The following PCDHGA7 variants were observed in gnomAD, a reference collection of about 807,000 sequenced individuals.
The protein encoded by PCDHGA7 is protocadherin gamma subfamily A, 7.
A neutral mutation model predicts 58.3 loss-of-function variants in PCDHGA7; 44 were observed. That is an observed-to-expected ratio of 0.75 (90% CI 0.59 to 0.97). PCDHGA7 has a LOEUF of 0.97. Among genes scored for constraint, PCDHGA7 ranks in the 50% least tolerant of loss-of-function variants. PCDHGA7 has a pLI of 0.00. For synonymous variants in PCDHGA7, 516 were observed against 504.2 expected, an observed-to-expected ratio of 1.02 and a Z score of -0.31; for missense variants, 1,266 against 1,188.7, an observed-to-expected ratio of 1.06 and a Z score of -0.96.
At chr5:141,428,136 G>A in intron 1 of PCDHGA7, 2 of 1,600,778 alleles carry the variant, frequency 1.2e-6, no homozygotes, top group South Asian at 1.1e-5. Flanking sequence ...TTTCAGCCTG[G>A]GGCTGCACAC....
chr5:141,392,768 T>C lies in PCDHGA7; in HGVS notation c.2424+7445T>C, dbSNP rs754714050. The C allele has an allele frequency of 1.9e-5, 29 of 1,507,388 alleles. No homozygotes were observed. In the Middle Eastern group the frequency reaches 7.0e-4, roughly 37 times the overall value. 93.4% of individuals were successfully genotyped at this position (1,507,388 alleles called of 1,614,324 possible). On this transcript the variant is annotated intron_variant, in intron 1 of 3. Coordinates refer to ENST00000518325, the MANE Select transcript of PCDHGA7 (RefSeq NM_018920.4). ...GCGGCAAGAAACTAAATAAGACCCA[T>C]TTATGCACAGTGAAGATTCTGAGAG...
At chr5:141,467,273 G>T (rs879618653) in intron 1 of PCDHGA7, among the ~76,000 whole-genome samples, 1 of 151,828 alleles carries the variant, frequency 6.6e-6, no homozygotes, top group Admixed American at 6.6e-5. Context: ...GGCTGGTCTC[G>T]AACTCTTGAC....
chr5:141,463,572 C>A (rs1462125489), intron 1 of PCDHGA7, among the ~76,000 whole-genome samples: 2 of 151,572 alleles, frequency 1.3e-5, no homozygotes, highest in African/African-American at 4.9e-5. Context: ...CCTCAGCCTC[C>A]CGAGTAGCTG....
At chr5:141,504,364 G>A (rs764741297) in intron 2 of PCDHGA7, among the ~76,000 whole-genome samples, 2 of 152,116 alleles carry the variant, frequency 1.3e-5, no homozygotes, top group African/African-American at 2.4e-5. Flanking sequence ...GCTTCAGTAG[G>A]AAGCAGGTGG....
At chr5:141,413,625 C>A (rs372855865) in intron 1 of PCDHGA7, 22 of 1,613,734 alleles carry the variant, frequency 1.4e-5, no homozygotes, top group Non-Finnish European at 1.9e-5. Flanking sequence ...ATGAAAATGT[C>A]GCTGCGGGAA....
intron 1 of PCDHGA7, chr5:141,418,621 C>T: frequency 6.2e-7 from 1 of 1,614,034 alleles, no homozygotes; most frequent in Non-Finnish European, 8.5e-7. Flanking sequence ...TTCGGGAAGA[C>T]GTGCCTCCAG....
rs1251686604 is a variant in PCDHGA7 at position 141,485,257 on chromosome 5, T to C, written c.2425-9550T>C. ...TCTTTTACCACCTGGGTTACGTTTG[T>C]GGGCAGATCCGCTACCCGGTCCCAG... is the stretch of plus-strand genomic sequence containing the variant. On this transcript the variant is annotated intron_variant, in intron 1 of 3. Coordinates refer to ENST00000518325, the MANE Select transcript of PCDHGA7 (RefSeq NM_018920.4). This position sits in a 1 kb window ranked among gnomAD's most constrained non-coding sequence, Gnocchi z 5.7. The C allele has an allele frequency of 6.2e-7, 1 of 1,614,154 alleles. No homozygotes were observed.
Position 141,438,643 on chromosome 5 carries a change from C to CATAT in PCDHGA7, c.2424+53321_2424+53322insTATA, listed in dbSNP as rs1213792286. ...ATATATATATATATATATACACACACACACACACATATATGTATATATATA... is the reference window on the plus strand; with the variant it reads ...ATATATATATATATATATACACACACATATACACACACATATATGTATATATATA... On this transcript the variant is annotated intron_variant, in intron 1 of 3. Transcript: ENST00000518325. Among the ~76,000 whole-genome samples, 345 of 117,382 alleles carry CATAT rather than the reference C, an allele frequency of 2.9e-3. 2 individuals are homozygous for CATAT. Among genetic ancestry groups the CATAT allele is most frequent in the Admixed American group, 6.8e-3 (78 of 11,434 alleles). 77.0% of individuals were successfully genotyped at this position (117,382 alleles called of 152,430 possible). A position where few individuals can be genotyped will look rare whatever the true frequency, so the allele number is the denominator to read the frequency against.
At position 141,489,369 on chromosome 5, in the gene PCDHGA7, G is replaced by A. The variant is rs371328808; in HGVS notation, c.2425-5438G>A. The A allele has an allele frequency of 4.5e-5, 73 of 1,613,474 alleles. No individual in the cohort carries two copies. Among genetic ancestry groups the A allele is most frequent in the African/African-American group, 4.1e-4 (31 of 74,894 alleles). ...TGGTGGAGGAGTCTGAGCCGGGGACGCTGGTGGGGAATGTTGCTCAGGATC... is the reference window on the plus strand; with the variant it reads ...TGGTGGAGGAGTCTGAGCCGGGGACACTGGTGGGGAATGTTGCTCAGGATC... On this transcript the variant is annotated intron_variant, in intron 1 of 3. Transcript: ENST00000518325. This position sits in a 1 kb window ranked among gnomAD's most constrained non-coding sequence, Gnocchi z 4.5.
rs1436956912 is a variant in PCDHGA7, at chr5:141,438,609, TATATATATATATATATATATATATATAC to T, written c.2424+53288_2424+53315del. Reference sequence around the variant, plus strand: ...ATACATACATATATATATATATATATATATATATATATATATATATATATATACACACACACACACACATATATGTATA... The same window carrying T: ...ATACATACATATATATATATATATATACACACACACACACATATATGTATA... On this transcript the variant is annotated intron_variant, in intron 1 of 3. Coordinates refer to ENST00000518325, the MANE Select transcript of PCDHGA7 (RefSeq NM_018920.4). Among the ~76,000 whole-genome samples the T allele has an allele frequency of 2.2e-3, 92 of 41,082 alleles. 2 individuals are homozygous for T. Among genetic ancestry groups the T allele is most frequent in the East Asian group, 7.4e-3 (6 of 810 alleles). The allele number at this position is 41,082 out of a possible 152,430, so 27.0% of individuals were successfully genotyped here.
At position 141,477,591 on chromosome 5, in the gene PCDHGA7, T is replaced by C; in HGVS notation, c.2425-17216T>C. On this transcript the variant is annotated intron_variant, in intron 1 of 3. Coordinates refer to ENST00000518325, the MANE Select transcript of PCDHGA7 (RefSeq NM_018920.4). This position sits in a 1 kb window ranked among gnomAD's most constrained non-coding sequence, Gnocchi z 4.9. Reference sequence around the variant, plus strand: ...CCCGACGCCCCGCAGAATGCTCGGCTTTCTTTCTTTCTCTTGGAGCAAGGA... The same window carrying C: ...CCCGACGCCCCGCAGAATGCTCGGCCTTCTTTCTTTCTCTTGGAGCAAGGA... The C allele has an allele frequency of 6.2e-7, 1 of 1,614,136 alleles. No homozygotes were observed. The highest frequency in any genetic ancestry group is 8.5e-7 in the Non-Finnish European group (1 of 1,180,016).
At position 141,406,382 on chromosome 5, in the gene PCDHGA7, G is replaced by A. The variant is rs189693155; in HGVS notation, c.2424+21059G>A. Reference sequence around the variant, plus strand: ...TTTGTAAGGGTAAACTGATAAAAAGGTAAATGTATTCTTCTTAGAGAAACA... The same window carrying A: ...TTTGTAAGGGTAAACTGATAAAAAGATAAATGTATTCTTCTTAGAGAAACA... On this transcript the variant is annotated intron_variant, in intron 1 of 3. Transcript: ENST00000518325. Among the ~76,000 whole-genome samples, 63 of 152,232 alleles carry A rather than the reference G, an allele frequency of 4.1e-4. 1 individual carries two copies. Among genetic ancestry groups the A allele is most frequent in the African/African-American group, 1.4e-3 (60 of 41,554 alleles).
chr5:141,384,402 GTCC>G lies in PCDHGA7; in HGVS notation c.1508_1510del (p.Ser503del), dbSNP rs781624552. ...AAGACACCATCCAGGGGGCTCCAGTGTCCTCCTATGTCTCCATAAACTCTGACA... is the reference window on the plus strand; with the variant it reads ...AAGACACCATCCAGGGGGCTCCAGTGTCCTATGTCTCCATAAACTCTGACA... On this transcript the variant is annotated inframe_deletion, in exon 1 of 4. Coordinates refer to ENST00000518325, the MANE Select transcript of PCDHGA7 (RefSeq NM_018920.4). The G allele has an allele frequency of 1.8e-5, 29 of 1,613,830 alleles. No homozygotes were observed. The African/African-American group carries it at 2.4e-4, about 13-fold the overall frequency.
At position 141,485,929 on chromosome 5, in the gene PCDHGA7, G is replaced by A; in HGVS notation, c.2425-8878G>A. 1 of 1,614,150 alleles carries A rather than the reference G, an allele frequency of 6.2e-7. No homozygotes were observed. The highest frequency in any genetic ancestry group is 8.5e-7 in the Non-Finnish European group (1 of 1,180,036). ...AATCCAGCTACAGGATTAGTGTGTT[G>A]GAGAGCGCACCAGCGGGCATGGTGC... On this transcript the variant is annotated intron_variant, in intron 1 of 3. Coordinates refer to ENST00000518325, the MANE Select transcript of PCDHGA7 (RefSeq NM_018920.4). This position sits in a 1 kb window ranked among gnomAD's most constrained non-coding sequence, Gnocchi z 5.7.
intron 2 of PCDHGA7, among the ~76,000 whole-genome samples, chr5:141,505,177 A>T (rs917485235): frequency 6.6e-6 from 1 of 152,180 alleles, no homozygotes. Context: ...AAAAGAAAAA[A>T]GCATCGGAGG....
rs768132114 is a variant in PCDHGA7 at position 141,489,845 on chromosome 5, G to A, written c.2425-4962G>A. 5 of 1,614,188 alleles carry A rather than the reference G, an allele frequency of 3.1e-6. No homozygotes were observed. The highest frequency in any genetic ancestry group is 2.2e-5 in the South Asian group (2 of 91,088). On this transcript the variant is annotated intron_variant, in intron 1 of 3. Transcript: ENST00000518325. This position sits in a 1 kb window ranked among gnomAD's most constrained non-coding sequence, Gnocchi z 4.5. ...CTGGTGCTAGAGCAGCAGCTGGATC[G>A]TGAAGCCCAGGCAAGACATCAGCTG...
At chr5:141,389,313 C>A (rs1279349887) in intron 1 of PCDHGA7, 2 of 1,614,024 alleles carry the variant, frequency 1.2e-6, no homozygotes, top group Admixed American at 3.3e-5. Context: ...GGCTTCTGAT[C>A]CGGACTTGGG....
rs887307433 is a variant in PCDHGA7, at chr5:141,384,206, C to T, written c.1307C>T (p.Thr436Ile). The T allele has an allele frequency of 6.2e-7, 1 of 1,613,928 alleles. No homozygotes were observed. ...GGAACTCCTCCCTTGTCCAGGGAAA[C>T]TCACATATTCATGCAGGTGGCAGAC... ...DGGTPPLSRE[T>I]HIFMQVADTN... The change falls in exon 1 of 4, where the codon ACT becomes ATT. Residue 436 changes from threonine to isoleucine, a missense_variant. By Grantham distance (89) the Thr-to-Ile change is moderately conservative (BLOSUM62 -1). Coordinates refer to ENST00000518325, the MANE Select transcript of PCDHGA7 (RefSeq NM_018920.4).
rs370032689 is a variant in PCDHGA7 at position 141,415,343 on chromosome 5, G to A, written c.2424+30020G>A. 84 of 1,614,112 alleles carry A rather than the reference G, an allele frequency of 5.2e-5. No homozygotes were observed. The African/African-American group carries it at 1.0e-3, about 20-fold the overall frequency. On this transcript the variant is annotated intron_variant, in intron 1 of 3. Transcript: ENST00000518325. The stretch of plus-strand genomic sequence containing the variant: ...CTGCTGGCGCACAGGCTGCGGCGCT[G>A]GCACAAGTCACGCCTGCTGCAGGCT...
Sources: gnomAD v4.1 joint callset for allele counts (sites outside exome capture counted in the v4.1 genomes callset) on GRCh38, gnomAD v4.1.1 for gene constraint, Gnocchi (gnomAD v3.1) non-coding constraint, MANE v1.5 for transcripts, NCBI Gene and HGNC (gene_info 2026-07-23, HGNC 2026-07-21) for gene names.